The following TMTC2 variants were observed in gnomAD, a reference collection of about 807,000 sequenced individuals.
TMTC2 encodes the protein transmembrane O-mannosyltransferase targeting cadherins 2.
In TMTC2, 43 loss-of-function variants were observed where a neutral mutation model predicts 82.4. That is an observed-to-expected ratio of 0.52 (90% CI 0.41 to 0.67). The LOEUF (loss-of-function observed/expected upper bound fraction) is 0.67, where lower values mean the gene tolerates loss of function less well. TMTC2 is among the 30% of genes least tolerant of loss of function. TMTC2 has a pLI of 0.00. For missense variants in TMTC2, 919 were observed against 1,012.4 expected (o/e 0.91, Z 1.25); for synonymous variants, 408 against 381.9 (o/e 1.07, Z -0.80).
intron 2 of TMTC2, among the ~76,000 whole-genome samples, chr12:82,872,039 G>A (rs1167276252): frequency 5.0e-5 from 5 of 100,098 alleles, no homozygotes; most frequent in African/African-American, 2.2e-4. Flanking sequence ...CAGTTGCCTA[G>A]TATGCAGTAA....
chr12:82,752,634 C>T (rs1876079160), intron 1 of TMTC2, among the ~76,000 whole-genome samples: 1 of 151,794 alleles, frequency 6.6e-6, no homozygotes, highest in East Asian at 1.9e-4. Context: ...GACCAACTAC[C>T]ACCTCCAGCA....
At chr12:82,688,047 C>T (rs1342589584) in intron 1 of TMTC2, among the ~76,000 whole-genome samples, 5 of 152,178 alleles carry the variant, frequency 3.3e-5, no homozygotes, top group Admixed American at 6.5e-5. Context: ...GGGAGGAAGC[C>T]TCTCCTCGAT....
chr12:82,972,340 A>G (rs145605666), intron 7 of TMTC2, among the ~76,000 whole-genome samples: 1 of 152,220 alleles, frequency 6.6e-6, no homozygotes, highest in East Asian at 1.9e-4. Context: ...TGGAAAATGT[A>G]TTTTCCTCCA....
At chr12:82,904,300 C>T (rs534833845) in intron 3 of TMTC2, among the ~76,000 whole-genome samples, 11 of 152,180 alleles carry the variant, frequency 7.2e-5, no homozygotes, top group South Asian at 4.1e-4. Flanking sequence ...TTCAGTCTAC[C>T]ATGTGCTTTA....
chr12:82,732,890 T>TTGCC (rs1417390502), intron 1 of TMTC2, among the ~76,000 whole-genome samples: 1 of 152,216 alleles, frequency 6.6e-6, no homozygotes, highest in African/African-American at 2.4e-5. Flanking sequence ...ATAAGGCTAA[T>TTGCC]TGCCTTAAAA....
chr12:82,706,323 CAAAA>C (rs11365830), intron 1 of TMTC2, among the ~76,000 whole-genome samples: 3 of 80,246 alleles, frequency 3.7e-5, no homozygotes, highest in East Asian at 6.9e-4. Context: ...GAGTCCATCT[CAAAA>C]AAAAAAAAAA....
chr12:82,786,519 G>A (rs562267412), intron 1 of TMTC2, among the ~76,000 whole-genome samples: 33 of 152,166 alleles, frequency 2.2e-4, no homozygotes, highest in African/African-American at 7.5e-4. Flanking sequence ...TTACTTCTCC[G>A]GCTGGTATTT....
chr12:82,819,993 G>A (rs1429317776), intron 1 of TMTC2, among the ~76,000 whole-genome samples: 1 of 152,190 alleles, frequency 6.6e-6, no homozygotes, highest in East Asian at 1.9e-4. Flanking sequence ...CAAAAGTGGG[G>A]AAGCCAACAG....
At chr12:83,046,344 G>A (rs1004369483) in intron 9 of TMTC2, among the ~76,000 whole-genome samples, 4 of 152,150 alleles carry the variant, frequency 2.6e-5, no homozygotes, top group African/African-American at 7.2e-5. Context: ...GGCAGCATCA[G>A]CATCACCAGG....
chr12:82,866,037 G>T (rs2733621), intron 2 of TMTC2, among the ~76,000 whole-genome samples: 34,268 of 151,866 alleles, frequency 0.23, 9,108 homozygotes, highest in African/African-American at 0.65. Flanking sequence ...TTTATAGCAC[G>T]AAATGCCCTC....
At chr12:82,813,411 C>T (rs1038112349) in intron 1 of TMTC2, among the ~76,000 whole-genome samples, 2 of 152,088 alleles carry the variant, frequency 1.3e-5, no homozygotes, top group African/African-American at 4.8e-5. Context: ...GATTCTATCC[C>T]TACTTAAGAT....
At chr12:82,825,609 G>T (rs1869374670) in intron 1 of TMTC2, among the ~76,000 whole-genome samples, 1 of 151,884 alleles carries the variant, frequency 6.6e-6, no homozygotes, top group African/African-American at 2.4e-5. Flanking sequence ...AATGTGGTAG[G>T]GTGATGGAAA....
intron 2 of TMTC2, among the ~76,000 whole-genome samples, chr12:82,894,093 G>A (rs1235795996): frequency 6.6e-6 from 1 of 152,232 alleles, no homozygotes; most frequent in Non-Finnish European, 1.5e-5. Context: ...TGGTGACGAT[G>A]ATTGGAGGAG....
At chr12:82,783,804 T>A (rs1878029480) in intron 1 of TMTC2, among the ~76,000 whole-genome samples, 1 of 151,948 alleles carries the variant, frequency 6.6e-6, no homozygotes. Flanking sequence ...GAGGAGCAAC[T>A]GGGAAGGGTG....
intron 1 of TMTC2, among the ~76,000 whole-genome samples, chr12:82,688,393 C>T (rs894389465): frequency 2.0e-5 from 3 of 152,142 alleles, no homozygotes; most frequent in African/African-American, 7.2e-5. Context: ...AAGTTGTCTT[C>T]TGCACTTAGG....
intron 1 of TMTC2, among the ~76,000 whole-genome samples, chr12:82,851,346 C>T (rs1305721982): frequency 6.6e-6 from 1 of 152,030 alleles, no homozygotes; most frequent in African/African-American, 2.4e-5. Flanking sequence ...AGGAGAATCG[C>T]TTGAACCCAG....
intron 4 of TMTC2, among the ~76,000 whole-genome samples, chr12:82,937,921 T>A (rs202192746): frequency 0.032 from 619 of 19,190 alleles, 32 homozygotes; most frequent in Middle Eastern, 0.05. Context: ...TTTTTTTTTT[T>A]ATTTTTTTTT....
intron 1 of TMTC2, among the ~76,000 whole-genome samples, chr12:82,710,866 A>G (rs981074942): frequency 1.3e-5 from 2 of 152,220 alleles, no homozygotes; most frequent in African/African-American, 2.4e-5. Flanking sequence ...ATGGAATCCA[A>G]TTCGGCTTCA....
chr12:82,976,422 T>C (rs549153605), intron 7 of TMTC2, among the ~76,000 whole-genome samples: 1 of 152,252 alleles, frequency 6.6e-6, no homozygotes, highest in East Asian at 1.9e-4. Flanking sequence ...CATATTTTTT[T>C]CCATGTCTTT....
Sources: allele counts gnomAD v4.1 joint callset (sites outside exome capture counted in the v4.1 genomes callset), GRCh38; gene constraint gnomAD v4.1.1; transcripts MANE v1.5; gene names NCBI Gene and HGNC (gene_info 2026-07-23, HGNC 2026-07-21).